Variants in MGAM2 observed in about 807,000 individuals in gnomAD.
MGAM2 encodes probable maltase-glucoamylase 2.
In MGAM2, 98 loss-of-function variants were observed where a neutral mutation model predicts 96.1. That is an observed-to-expected ratio of 1.02 (90% CI 0.87 to 1.21). The LOEUF (loss-of-function observed/expected upper bound fraction) is 1.21, where lower values mean the gene tolerates loss of function less well. MGAM2 is among the 50% of genes most tolerant of loss of function. The probability of loss-of-function intolerance (pLI) is 0.00; values close to 1 mark genes in which losing one functional copy is unlikely to be tolerated. For missense variants in MGAM2, 2,055 were observed against 1,182.4 expected (o/e 1.74, Z -10.82); for synonymous variants, 749 against 414.8 (o/e 1.81, Z -9.79).
chr7:142,205,949 T>C (rs1173408063), intron 45 of MGAM2, among the ~76,000 whole-genome samples: 2 of 152,162 alleles, frequency 1.3e-5, no homozygotes, highest in Non-Finnish European at 2.9e-5. Context: ...TGATTCTTTT[T>C]GAGTTAATTT....
chr7:142,191,134 GA>G (rs59853968), intron 37 of MGAM2, among the ~76,000 whole-genome samples: 115,829 of 150,712 alleles, frequency 0.77, 44,992 homozygotes, highest in African/African-American at 0.9. Flanking sequence ...TATCTCTACA[GA>G]AAAAAAAAAA....
In MGAM2 at chr7:142,220,753, C is replaced by G. The variant is rs1284720937; in HGVS notation, c.6242C>G (p.Thr2081Ser). 2.8e-6 allele frequency: 2 copies of G among 702,084 alleles called. No homozygotes were observed. The highest frequency in any genetic ancestry group is 3.5e-5 in the African/African-American group (2 of 57,108). 43.5% of individuals were successfully genotyped at this position (702,084 alleles called of 1,614,324 possible). A position where few individuals can be genotyped will look rare whatever the true frequency, so the allele number is the denominator to read the frequency against. Residue 2081 changes from threonine (T) to serine (S), a missense_variant, in exon 48 of 48, where the codon ACC becomes AGC. By Grantham distance (58) the Thr-to-Ser change is moderately conservative. Coordinates refer to ENST00000477922, the MANE Select transcript of MGAM2 (RefSeq NM_001293626.2). Reference protein sequence around the residue: ...DANTSNTVPNTTMPSPTSSTT... With the variant: ...DANTSNTVPNSTMPSPTSSTT... ...AACACTAGTAATACTGTTCCTAATA[C>G]CACTATGCCTTCTCCTACAAGTAGT...
intron 2 of MGAM2, among the ~76,000 whole-genome samples, chr7:142,119,847 T>A (rs1286068455): frequency 1.3e-5 from 2 of 152,184 alleles, no homozygotes; most frequent in Non-Finnish European, 2.9e-5. Flanking sequence ...ATGTTCAGAA[T>A]AGGCAAATCC....
At chr7:142,177,901 G>T (rs1371052899) in intron 32 of MGAM2, among the ~76,000 whole-genome samples, 1 of 152,124 alleles carries the variant, frequency 6.6e-6, no homozygotes, top group Non-Finnish European at 1.5e-5. Context: ...GGGGTTGCTG[G>T]GTGGTATGGT....
chr7:142,177,574 A>G (rs1299209817), intron 32 of MGAM2, among the ~76,000 whole-genome samples: 1 of 151,948 alleles, frequency 6.6e-6, no homozygotes, highest in Non-Finnish European at 1.5e-5. Context: ...CTTTATATCT[A>G]TGTGTACCCA....
chr7:142,166,600 C>T (rs1218112469), intron 25 of MGAM2, among the ~76,000 whole-genome samples: 2 of 152,124 alleles, frequency 1.3e-5, no homozygotes, highest in Non-Finnish European at 2.9e-5. Context: ...ATTTGAACAA[C>T]AGAGAAAATG....
At chr7:142,149,144 G>A (rs575250187) in intron 15 of MGAM2, among the ~76,000 whole-genome samples, 7 of 151,894 alleles carry the variant, frequency 4.6e-5, no homozygotes, top group South Asian at 2.1e-4. Context: ...CAGGAGGATC[G>A]CTTGAACCCG....
intron 32 of MGAM2, among the ~76,000 whole-genome samples, chr7:142,181,996 T>A (rs900032445): frequency 2.6e-5 from 4 of 152,076 alleles, no homozygotes; most frequent in African/African-American, 7.2e-5. Context: ...GCTATGGAGC[T>A]CCCTTGGGCA....
At chr7:142,186,941 G>A (rs974481913) in intron 35 of MGAM2, among the ~76,000 whole-genome samples, 6 of 147,354 alleles carry the variant, frequency 4.1e-5, no homozygotes, top group Non-Finnish European at 8.9e-5. Context: ...AAGAGATGCT[G>A]ATAGCTCTGG....
intron 32 of MGAM2, among the ~76,000 whole-genome samples, chr7:142,179,161 C>T (rs749685454): frequency 2.0e-5 from 3 of 151,980 alleles, no homozygotes; most frequent in Non-Finnish European, 4.4e-5. Context: ...TCAGCTTGAA[C>T]GTTATTGATG....
intron 33 of MGAM2, among the ~76,000 whole-genome samples, chr7:142,184,444 T>G (rs1796635466): frequency 6.6e-6 from 1 of 152,250 alleles, no homozygotes; most frequent in Non-Finnish European, 1.5e-5. Context: ...ATTTATGTAC[T>G]ATCTGTGAAC....
intron 32 of MGAM2, among the ~76,000 whole-genome samples, chr7:142,179,106 T>C (rs1214009581): frequency 6.6e-6 from 1 of 152,188 alleles, no homozygotes; most frequent in Non-Finnish European, 1.5e-5. Context: ...AGTTGGATCG[T>C]TAATTTGAGA....
chr7:142,127,845 G>A (rs1358803439), intron 3 of MGAM2, among the ~76,000 whole-genome samples: 2 of 152,192 alleles, frequency 1.3e-5, no homozygotes, highest in Admixed American at 6.5e-5. Context: ...TCTTGGGTAT[G>A]TCTCTGTTAG....
At chr7:142,117,432 TTCTG>T (rs1447152661) in intron 2 of MGAM2, among the ~76,000 whole-genome samples, 4 of 152,322 alleles carry the variant, frequency 2.6e-5, no homozygotes, top group East Asian at 1.9e-4. Context: ...TTTGAAACCG[TTCTG>T]TCTGTCTGTC....
intron 32 of MGAM2, among the ~76,000 whole-genome samples, chr7:142,177,547 G>A (rs1796414872): frequency 6.6e-6 from 1 of 152,042 alleles, no homozygotes; most frequent in African/African-American, 2.4e-5. Flanking sequence ...GTAGTCTCTA[G>A]TTTCTGTTAT....
At chr7:142,114,055 T>G (rs1817268197) in intron 1 of MGAM2, among the ~76,000 whole-genome samples, 1 of 150,980 alleles carries the variant, frequency 6.6e-6, no homozygotes, top group Admixed American at 6.6e-5. Flanking sequence ...CACTTGAACC[T>G]GGGTGGCGGA....
In MGAM2 at chr7:142,143,968, A is replaced by G. The variant is rs1585159288; in HGVS notation, c.1431+86A>G. 2.3e-5 allele frequency: 15 copies of G among 665,892 alleles called. No homozygotes were observed. In the East Asian group the frequency reaches 3.8e-4, roughly 17 times the overall value. The allele number at this position is 665,892 out of a possible 1,614,324, so 41.2% of individuals were successfully genotyped here. On this transcript the variant is annotated intron_variant, in intron 13 of 47. Transcript: ENST00000477922. ...GAGTTTTGACCTTGATGTCAAATAA[A>G]TGTCAATAAAAAATAGTTTGCTTTA... is the stretch of plus-strand genomic sequence containing the variant.
chr7:142,149,809 G>A (rs903674805), intron 15 of MGAM2, among the ~76,000 whole-genome samples: 21 of 152,260 alleles, frequency 1.4e-4, no homozygotes, highest in African/African-American at 5.1e-4. Flanking sequence ...CCAAAGTGCT[G>A]GGATTACAGG....
intron 43 of MGAM2, 133 bp downstream of exon 43, chr7:142,198,328 T>C (rs1358710669): frequency 1.1e-5 from 7 of 613,694 alleles, no homozygotes; most frequent in Non-Finnish European, 2.0e-5. Flanking sequence ...AAGGCTTGTT[T>C]AAATGAAAGC....
Sources: gnomAD v4.1 joint callset for allele counts (sites outside exome capture counted in the v4.1 genomes callset) on GRCh38, gnomAD v4.1.1 for gene constraint, MANE v1.5 for transcripts, NCBI Gene and HGNC (gene_info 2026-07-23, HGNC 2026-07-21) for gene names.